The following IQSEC1 variants were observed in gnomAD, a reference collection of about 807,000 sequenced individuals.
The protein encoded by IQSEC1 is IQ motif and Sec7 domain ArfGEF 1, also known as IQ motif and SEC7 domain-containing protein 1.
In IQSEC1, 31 loss-of-function variants were observed where a neutral mutation model predicts 91.0. That is an observed-to-expected ratio of 0.34 (90% CI 0.26 to 0.46). IQSEC1 has a LOEUF of 0.46. IQSEC1 is among the 20% of genes least tolerant of loss of function. IQSEC1 has a pLI of 1.00. For missense variants in IQSEC1, 1,388 were observed against 1,575.6 expected, an observed-to-expected ratio of 0.88 and a Z score of 2.02; for synonymous variants, 699 against 662.6, an observed-to-expected ratio of 1.05 and a Z score of -0.84.
At position 13,018,606 on chromosome 3, in the gene IQSEC1, C is replaced by T. The variant is rs1205820942; in HGVS notation, c.23+54386G>A. Reference sequence around the variant, plus strand: ...GCAAGGCCTTTGTCTGCCAGGGGCCCAGAGGTGAGTGCCCAGAGAAAGGCC... The same window carrying T: ...GCAAGGCCTTTGTCTGCCAGGGGCCTAGAGGTGAGTGCCCAGAGAAAGGCC... On this transcript the variant is annotated intron_variant, in intron 1 of 13. Transcript: ENST00000613206. Among the ~76,000 whole-genome samples, 5 of 152,296 alleles carry T rather than the reference C, an allele frequency of 3.3e-5. No homozygotes were observed. The East Asian group carries it at 7.7e-4, about 24-fold the overall frequency.
chr3:13,026,878 TGTTTG>T (rs370396185), intron 1 of IQSEC1, among the ~76,000 whole-genome samples: 28,503 of 81,466 alleles, frequency 0.35, 4,227 homozygotes, highest in Non-Finnish European at 0.38. Context: ...TTTTTTTTTT[TGTTTG>T]TTTTTTTTTT....
At chr3:13,009,687 G>GTGTA (rs1491046326) in intron 1 of IQSEC1, among the ~76,000 whole-genome samples, 1 of 147,290 alleles carries the variant, frequency 6.8e-6, no homozygotes, top group Non-Finnish European at 1.5e-5. Flanking sequence ...GTGTGTGTGT[G>GTGTA]TATGTACTTT....
Position 12,899,316 on chromosome 3 carries a change from G to A in IQSEC1, c.*1667C>T, listed in dbSNP as rs879684547. On this transcript the variant is annotated 3_prime_UTR_variant, in exon 14 of 14. Transcript: ENST00000613206. ...CGCGGCCCCGCGGCCCGCAGAGTCA[G>A]GCGTGAGCTTCGCCCTTTCTGAAAG... The A allele has an allele frequency of 2.6e-6, 4 of 1,540,752 alleles. No homozygotes were observed. The highest frequency in any genetic ancestry group is 3.6e-6 in the Non-Finnish European group (4 of 1,125,028).
At chr3:13,048,455 G>A (rs1704575058) in intron 1 of IQSEC1, among the ~76,000 whole-genome samples, 1 of 152,192 alleles carries the variant, frequency 6.6e-6, no homozygotes, top group Non-Finnish European at 1.5e-5. Flanking sequence ...CCGGCATGGG[G>A]CACCCACACC....
intron 2 of IQSEC1, among the ~76,000 whole-genome samples, chr3:13,080,708 C>T (rs1559251009): frequency 6.6e-6 from 1 of 152,158 alleles, no homozygotes; most frequent in African/African-American, 2.4e-5. Flanking sequence ...CTTCCCTGGG[C>T]AAGTGCGCTC....
At position 13,158,727 on chromosome 3, in the gene IQSEC1, C is replaced by T. The variant is rs373038539; in HGVS notation, c.302+5377G>A. ...TGGTAATCCCAGCACTTTAGGAGTC[C>T]GAGACAGGCAGATCACTTGAGCCCA... On this transcript the variant is annotated intron_variant, in intron 2 of 15. Transcript: ENST00000648114. Among the ~76,000 whole-genome samples, 7 of 152,050 alleles carry T rather than the reference C, an allele frequency of 4.6e-5. No individual in the cohort carries two copies. The East Asian group carries it at 1.3e-3, about 29-fold the overall frequency.
intron 1 of IQSEC1, among the ~76,000 whole-genome samples, chr3:12,976,020 G>A (rs1259673371): frequency 2.0e-5 from 3 of 152,220 alleles, no homozygotes; most frequent in African/African-American, 7.2e-5. Context: ...TCACTTCTCT[G>A]AGCCTCAGTT....
chr3:13,050,309 C>G (rs1704650107), intron 1 of IQSEC1, among the ~76,000 whole-genome samples: 1 of 152,068 alleles, frequency 6.6e-6, no homozygotes, highest in South Asian at 2.1e-4. Context: ...CAGGCCCCAG[C>G]AAAAAAGGCC....
chr3:13,130,875 A>G (rs1290902857), intron 2 of IQSEC1, among the ~76,000 whole-genome samples: 1 of 151,514 alleles, frequency 6.6e-6, no homozygotes, highest in African/African-American at 2.4e-5. Context: ...GGATTGCTTG[A>G]GACTGAGAAT....
intron 13 of IQSEC1, among the ~76,000 whole-genome samples, chr3:12,902,109 C>T (rs1194160510): frequency 1.3e-5 from 2 of 152,018 alleles, no homozygotes; most frequent in African/African-American, 4.8e-5. Flanking sequence ...CTGCCTACTA[C>T]AAACCAAACA....
rs1262353498 is a variant in IQSEC1, at chr3:12,898,013, C to T, written c.*2970G>A. The stretch of plus-strand genomic sequence containing the variant: ...TTGCCAGCTGTTTCCCTCAGCGTCT[C>T]CTGCTCCTGTCAGCAATTCTGTATG... On this transcript the variant is annotated 3_prime_UTR_variant, in exon 14 of 14. Transcript: ENST00000613206. 1 of 152,266 alleles carries T rather than the reference C, an allele frequency of 6.6e-6. No homozygotes were observed. Among genetic ancestry groups the T allele is most frequent in the Non-Finnish European group, 1.5e-5 (1 of 68,052 alleles). The allele number at this position is 152,266 out of a possible 1,614,324, so 9.4% of individuals were successfully genotyped here. A position where few individuals can be genotyped will look rare whatever the true frequency, so the allele number is the denominator to read the frequency against.
chr3:13,176,735 G>A (rs186822536), intron 1 of IQSEC1, among the ~76,000 whole-genome samples: 168 of 152,342 alleles, frequency 1.1e-3, no homozygotes, highest in Middle Eastern at 6.8e-3. Context: ...CCTGCCTGCC[G>A]GGAACAGGCG....
upstream of IQSEC1, among the ~76,000 whole-genome samples, chr3:13,076,663 G>A (rs914022832): frequency 2.6e-5 from 4 of 152,060 alleles, no homozygotes; most frequent in Admixed American, 1.3e-4. Context: ...CCGCTGCTCC[G>A]TTCCAACTGT....
chr3:13,276,489 T>C (rs1283302439), intron 1 of IQSEC1, among the ~76,000 whole-genome samples: 1 of 152,148 alleles, frequency 6.6e-6, no homozygotes, highest in Non-Finnish European at 1.5e-5. Flanking sequence ...TGCACGGAAG[T>C]GGCCTTCTCC....
intron 1 of IQSEC1, among the ~76,000 whole-genome samples, chr3:13,260,689 C>T (rs2125129241): frequency 6.6e-6 from 1 of 152,358 alleles, no homozygotes; most frequent in Middle Eastern, 3.4e-3. Flanking sequence ...TATGCAGGGA[C>T]TGAGGACACA....
intron 1 of IQSEC1, among the ~76,000 whole-genome samples, chr3:12,966,778 G>T (rs909322113): frequency 1.3e-5 from 2 of 152,210 alleles, no homozygotes; most frequent in African/African-American, 4.8e-5. Context: ...GTACCCGACA[G>T]AAGCTGCTGA....
Position 13,276,080 on chromosome 3 carries a change from C to CTTTTTTTT in IQSEC1, c.272+6623_272+6630dup, listed in dbSNP as rs796663192. On this transcript the variant is annotated intron_variant, in intron 1 of 15. Coordinates refer to the IQSEC1 transcript ENST00000648114. ...AGGGAAAACAATCCTCAAAAGCATT[C>CTTTTTTTT]TTTTTTTTTTTTTTTTTTTTTTTTT... Among the ~76,000 whole-genome samples, 34 of 79,552 alleles carry CTTTTTTTT rather than the reference C, an allele frequency of 4.3e-4. 8 individuals are homozygous for CTTTTTTTT. Among genetic ancestry groups the CTTTTTTTT allele is most frequent in the South Asian group, 1.8e-3 (3 of 1,684 alleles). 52.2% of individuals were successfully genotyped at this position (79,552 alleles called of 152,430 possible).
chr3:12,956,087 AAC>A (rs1334073066), intron 1 of IQSEC1, among the ~76,000 whole-genome samples: 1 of 152,196 alleles, frequency 6.6e-6, no homozygotes, highest in Admixed American at 6.5e-5. Context: ...CCCACTTGAT[AAC>A]AGTCAGACAA....
At chr3:13,219,955 G>A (rs545440818) in intron 1 of IQSEC1, among the ~76,000 whole-genome samples, 10 of 152,338 alleles carry the variant, frequency 6.6e-5, no homozygotes, top group South Asian at 2.1e-4. Flanking sequence ...CACTCCAGGC[G>A]TGGCAACTCC....
Sources: allele counts gnomAD v4.1 joint callset (sites outside exome capture counted in the v4.1 genomes callset), GRCh38; gene constraint gnomAD v4.1.1; transcripts MANE v1.5; gene names NCBI Gene and HGNC (gene_info 2026-07-23, HGNC 2026-07-21).